Variants in USP3 observed in about 807,000 individuals in gnomAD.
USP3 encodes the protein ubiquitin specific peptidase 3, also known as ubiquitin carboxyl-terminal hydrolase 3.
In USP3, 20 loss-of-function variants were observed where a neutral mutation model predicts 72.3. The observed-to-expected ratio is 0.28, with a 90% CI of 0.19 to 0.40. The LOEUF (loss-of-function observed/expected upper bound fraction) is 0.40. Among genes scored for constraint, USP3 ranks in the 10% least tolerant of loss-of-function variants. The pLI is 1.00. For synonymous variants in USP3, 222 were observed against 225.3 expected, an observed-to-expected ratio of 0.99 and a Z score of 0.13; for missense variants, 479 against 633.9, an observed-to-expected ratio of 0.76 and a Z score of 2.62.
Position 63,578,591 on chromosome 15 carries a change from G to A in USP3, c.1096+4188G>A, listed in dbSNP as rs570722240. Among the ~76,000 whole-genome samples the A allele has an allele frequency of 8.4e-4, 119 of 141,288 alleles. 1 individual carries two copies. In the East Asian group the frequency reaches 0.02, roughly 23 times the overall value. The allele number at this position is 141,288 out of a possible 152,430, so 92.7% of individuals were successfully genotyped here. On this transcript the variant is annotated intron_variant, in intron 11 of 14. Coordinates refer to ENST00000380324, the MANE Select transcript of USP3 (RefSeq NM_006537.4). ...GGCGCCACTGCACTCTAGCCTGGGC[G>A]ACAGAGCAAGACTCCGTCTCAGAAA...
At chr15:63,505,595 T>C (rs1284107734) in intron 1 of USP3, among the ~76,000 whole-genome samples, 1 of 152,162 alleles carries the variant, frequency 6.6e-6, no homozygotes, top group Non-Finnish European at 1.5e-5. Context: ...TGTGAAACAC[T>C]TATTAGATTT....
intron 1 of USP3, among the ~76,000 whole-genome samples, chr15:63,518,550 TAA>T (rs898412204): frequency 1.3e-5 from 2 of 152,174 alleles, no homozygotes; most frequent in Admixed American, 1.3e-4. Flanking sequence ...TCTCAGAATT[TAA>T]AAAGACTTTT....
chr15:63,536,879 G>T, intron 2 of USP3, 146 bp from the exon 3 acceptor site: 1 of 848,394 alleles, frequency 1.2e-6, no homozygotes, highest in Non-Finnish European at 1.8e-6. Flanking sequence ...CATATTTTAA[G>T]TATTCAGTAT....
chr15:63,510,593 A>G (rs924500638), intron 1 of USP3, among the ~76,000 whole-genome samples: 10 of 152,144 alleles, frequency 6.6e-5, no homozygotes, highest in African/African-American at 1.2e-4. Flanking sequence ...CAGGAGAGCA[A>G]TTGCATTCTA....
chr15:63,574,552 C>T lies in USP3; in HGVS notation c.1096+149C>T. ...AGTCAAACTTGAATGTCTTTTCCTA[C>T]TCCCCAAAATGTTATTGAATAAGAA... On this transcript the variant is annotated intron_variant, in intron 11 of 14. Transcript: ENST00000380324. The surrounding 1 kb of genome is among the most constrained non-coding windows in gnomAD (Gnocchi z 4.6). The T allele has an allele frequency of 1.8e-6, 1 of 546,964 alleles. No individual in the cohort carries two copies. The highest frequency in any genetic ancestry group is 3.3e-5 in the East Asian group (1 of 30,208). 33.9% of individuals were successfully genotyped at this position (546,964 alleles called of 1,614,324 possible).
At chr15:63,522,438 T>A (rs1157258979) in intron 1 of USP3, among the ~76,000 whole-genome samples, 1 of 152,218 alleles carries the variant, frequency 6.6e-6, no homozygotes, top group Non-Finnish European at 1.5e-5. Flanking sequence ...ATATTTTCTA[T>A]GCGTGCCCTG....
intron 8 of USP3, among the ~76,000 whole-genome samples, chr15:63,567,990 A>AT (rs772841255): frequency 2.0e-5 from 3 of 152,160 alleles, no homozygotes; most frequent in Admixed American, 6.5e-5. Context: ...CAGCATCCTC[A>AT]TGACAGATTT....
intron 6 of USP3, among the ~76,000 whole-genome samples, chr15:63,558,487 C>T (rs926556726): frequency 5.3e-5 from 8 of 152,058 alleles, no homozygotes; most frequent in Admixed American, 2.0e-4. Flanking sequence ...GGTCAGCAAA[C>T]TTTTTCTGTG....
chr15:63,555,739 T>G (rs749405852), intron 4 of USP3, among the ~76,000 whole-genome samples: 1 of 152,204 alleles, frequency 6.6e-6, no homozygotes, highest in Admixed American at 6.5e-5. Flanking sequence ...GGAATTGGTC[T>G]CTTCATCTTG....
chr15:63,537,208 C>A, intron 3 of USP3, 52 bp downstream of exon 3: 1 of 1,562,458 alleles, frequency 6.4e-7, no homozygotes, highest in South Asian at 1.2e-5. Flanking sequence ...CAAGTGTGCT[C>A]TCCTCCCCTC....
rs1484919412 is a variant in USP3 at position 63,593,756 on chromosome 15, G to C, written c.*2930G>C. 1 of 152,208 alleles carries C rather than the reference G, an allele frequency of 6.6e-6. No individual in the cohort carries two copies. The highest frequency in any genetic ancestry group is 2.1e-4 in the South Asian group (1 of 4,838). The allele number at this position is 152,208 out of a possible 1,614,324, so 9.4% of individuals were successfully genotyped here. A position where few individuals can be genotyped will look rare whatever the true frequency, so the allele number is the denominator to read the frequency against. On this transcript the variant is annotated 3_prime_UTR_variant, in exon 15 of 15. Transcript: ENST00000380324. ...TGTGCAGCCTTACCACACCTATTTT[G>C]AAAGCTGATCTTTTGTCCTCTTCAG... is the stretch of plus-strand genomic sequence containing the variant.
chr15:63,509,232 C>T (rs1308938492), intron 1 of USP3, among the ~76,000 whole-genome samples: 3 of 152,150 alleles, frequency 2.0e-5, no homozygotes, highest in African/African-American at 7.2e-5. Flanking sequence ...AATGCTTTTA[C>T]TGCTTTTTAG....
In USP3 at chr15:63,574,336, T is replaced by G. The variant is rs1009418687; in HGVS notation, c.1029T>G (p.Asp343Glu). Residue 343 changes from aspartate (D) to glutamate (E), a missense_variant, in exon 11 of 15, where the codon GAT becomes GAG. Transcript: ENST00000380324. The surrounding 1 kb of genome is among the most constrained non-coding windows in gnomAD (Gnocchi z 4.6). ...TCTCCTTTTAAGACCTTTCATTAGA[T>G]ATTCCAAGTCAGTTCAGAAGTAAGC... ...KFDPFLDLSL[D>E]IPSQFRSKRS... 2 of 1,597,950 alleles carry G rather than the reference T, an allele frequency of 1.3e-6. No homozygotes were observed.
Position 63,529,939 on chromosome 15 carries a change from C to G in USP3, c.92-2708C>G, listed in dbSNP as rs2066042627. On this transcript the variant is annotated intron_variant, in intron 1 of 14. Transcript: ENST00000380324. The surrounding 1 kb of genome is among the most constrained non-coding windows in gnomAD (Gnocchi z 4.2). ...TTGAGCTAAGGGATTCAAGACCAGTCTAGGCAACATAGTGAGACCCTGTCT... is the reference window on the plus strand; with the variant it reads ...TTGAGCTAAGGGATTCAAGACCAGTGTAGGCAACATAGTGAGACCCTGTCT... 6.6e-6 allele frequency among the ~76,000 whole-genome samples: 1 copy of G among 152,102 alleles called. No individual in the cohort carries two copies. The highest frequency in any genetic ancestry group is 1.5e-5 in the Non-Finnish European group (1 of 68,014).
chr15:63,588,582 CAT>C lies in USP3; in HGVS notation c.1216-119_1216-118del, dbSNP rs2067121757. 1.1e-6 allele frequency: 1 copy of C among 936,774 alleles called. No individual in the cohort carries two copies. Among genetic ancestry groups the C allele is most frequent in the Non-Finnish European group, 1.7e-6 (1 of 598,730 alleles). 58.0% of individuals were successfully genotyped at this position (936,774 alleles called of 1,614,324 possible). On this transcript the variant is annotated intron_variant, in intron 12 of 14. Transcript: ENST00000380324. The surrounding 1 kb of genome is among the most constrained non-coding windows in gnomAD (Gnocchi z 4.6). Reference sequence around the variant, plus strand: ...TTACAGAATGAATGCATAAGGTATGCATGGAAGAATGATTGATAGGGCAGCTA... The same window carrying C: ...TTACAGAATGAATGCATAAGGTATGCGGAAGAATGATTGATAGGGCAGCTA...
chr15:63,558,278 C>A, intron 6 of USP3, 90 bp downstream of exon 6: 2 of 1,425,626 alleles, frequency 1.4e-6, no homozygotes, highest in South Asian at 2.3e-5. Flanking sequence ...TAACTCTAGT[C>A]ATATGGTTTG....
chr15:63,518,188 A>G (rs753786428), intron 1 of USP3, among the ~76,000 whole-genome samples: 15 of 152,324 alleles, frequency 9.8e-5, no homozygotes, highest in Non-Finnish European at 1.9e-4. Flanking sequence ...ATAAAAATTT[A>G]TATTCAGATT....
At chr15:63,548,060 G>A (rs973002288) in intron 3 of USP3, among the ~76,000 whole-genome samples, 1 of 131,984 alleles carries the variant, frequency 7.6e-6, no homozygotes, top group African/African-American at 2.9e-5. Flanking sequence ...GCAGTGAGCT[G>A]AGATGGGGCC....
intron 3 of USP3, chr15:63,542,019 A>T: frequency 1.0e-6 from 1 of 983,946 alleles, no homozygotes; most frequent in African/African-American, 1.7e-5. Context: ...TGCATAAAAA[A>T]TGTTTTATTT....
Sources: gnomAD v4.1 joint callset for allele counts (sites outside exome capture counted in the v4.1 genomes callset) on GRCh38, gnomAD v4.1.1 for gene constraint, Gnocchi (gnomAD v3.1) non-coding constraint, MANE v1.5 for transcripts, NCBI Gene and HGNC (gene_info 2026-07-23, HGNC 2026-07-21) for gene names.